PAQR8: variants seen among roughly 807,000 people sequenced by gnomAD.
The protein encoded by PAQR8 is membrane progestin receptor beta.
In PAQR8, 17 loss-of-function variants were observed where a neutral mutation model predicts 25.2. The observed-to-expected ratio is 0.67, with a 90% CI of 0.46 to 1.01. The LOEUF (loss-of-function observed/expected upper bound fraction) is 1.01, where lower values mean the gene tolerates loss of function less well. PAQR8 is among the 50% of genes least tolerant of loss of function. The pLI is 0.00. For missense variants in PAQR8, 392 were observed against 448.4 expected, an observed-to-expected ratio of 0.87 and a Z score of 1.14; for synonymous variants, 204 against 190.6, an observed-to-expected ratio of 1.07 and a Z score of -0.58.
At chr6:52,374,000 A>G (rs1234424975) in intron 1 of PAQR8, among the ~76,000 whole-genome samples, 1 of 152,000 alleles carries the variant, frequency 6.6e-6, no homozygotes, top group Admixed American at 6.6e-5. Context: ...GATGGTTCTC[A>G]TGAGATCTGG....
In PAQR8 at chr6:52,372,672, T is replaced by C. The variant is rs551348466; in HGVS notation, c.-53+10423T>C. 5.9e-5 allele frequency among the ~76,000 whole-genome samples: 9 copies of C among 151,862 alleles called. No individual in the cohort carries two copies. The South Asian group carries it at 1.9e-3, about 32-fold the overall frequency. On this transcript the variant is annotated intron_variant, in intron 1 of 1. Transcript: ENST00000442253. The stretch of plus-strand genomic sequence containing the variant: ...AAACAGGCAGAGGTAGACAATATGG[T>C]ATAATAAATCCCCATGTGCCCATCA...
rs547522232 is a variant in PAQR8 at position 52,364,108 on chromosome 6, G to T, written c.-53+1859G>T. On this transcript the variant is annotated intron_variant, in intron 1 of 1. Coordinates refer to ENST00000442253, the MANE Select transcript of PAQR8 (RefSeq NM_133367.5). ...GTTTTTTTTTTTTTTTTTTTTGCGG[G>T]TGTGTGTATGCACCAGATTTCCTTC... is the stretch of plus-strand genomic sequence containing the variant. Among the ~76,000 whole-genome samples, 5 of 40,448 alleles carry T rather than the reference G, an allele frequency of 1.2e-4. No individual in the cohort carries two copies. In the East Asian group the frequency reaches 1.9e-3, roughly 15 times the overall value. 26.5% of individuals were successfully genotyped at this position (40,448 alleles called of 152,430 possible). A position where few individuals can be genotyped will look rare whatever the true frequency, so the allele number is the denominator to read the frequency against.
At position 52,403,178 on chromosome 6, in the gene PAQR8, T is replaced by G; in HGVS notation, c.-36T>G. On this transcript the variant is annotated 5_prime_UTR_variant, in exon 2 of 2. Transcript: ENST00000442253. The stretch of plus-strand genomic sequence containing the variant: ...TTTCTGCAGGTTGCATACCCTGTCC[T>G]GAGGGCGCGGCACGGAGTGCATGCG... The G allele has an allele frequency of 6.4e-7, 1 of 1,561,680 alleles. No homozygotes were observed. The highest frequency in any genetic ancestry group is 8.7e-7 in the Non-Finnish European group (1 of 1,149,674).
intron 1 of PAQR8, among the ~76,000 whole-genome samples, chr6:52,402,236 T>G (rs981176789): frequency 1.6e-4 from 24 of 152,172 alleles, no homozygotes; most frequent in African/African-American, 5.5e-4. Flanking sequence ...TGGTGGTGCA[T>G]GCCTGTAATA....
At chr6:52,374,064 A>T (rs1406955430) in intron 1 of PAQR8, among the ~76,000 whole-genome samples, 1 of 152,128 alleles carries the variant, frequency 6.6e-6, no homozygotes, top group African/African-American at 2.4e-5. Context: ...CTGTTCCAGC[A>T]TTGTGAAGTA....
intron 1 of PAQR8, among the ~76,000 whole-genome samples, chr6:52,364,681 G>A (rs1376837826): frequency 2.0e-5 from 3 of 152,180 alleles, no homozygotes; most frequent in Non-Finnish European, 2.9e-5. Flanking sequence ...GGCACTGTGC[G>A]GGGCCAACTT....
rs1425084373 is a variant in PAQR8, at chr6:52,362,723, C to CGGAGGGGAACGGAACCTG, written c.-53+483_-53+500dup. On this transcript the variant is annotated intron_variant, in intron 1 of 1. Coordinates refer to ENST00000442253, the MANE Select transcript of PAQR8 (RefSeq NM_133367.5). The surrounding 1 kb of genome is among the most constrained non-coding windows in gnomAD (Gnocchi z 4.1). ...CATTTGTGGGGCGCCCTCCGCAGGG[C>CGGAGGGGAACGGAACCTG]GGAGGGGAACGGAACCTGGGAGGGG... Among the ~76,000 whole-genome samples the CGGAGGGGAACGGAACCTG allele has an allele frequency of 1.3e-5, 2 of 151,974 alleles. No homozygotes were observed.
Position 52,406,356 on chromosome 6 carries a change from G to T in PAQR8, c.*2078G>T. The T allele has an allele frequency of 2.4e-6, 1 of 411,560 alleles. No individual in the cohort carries two copies. The highest frequency in any genetic ancestry group is 4.4e-6 in the Non-Finnish European group (1 of 225,278). The allele number at this position is 411,560 out of a possible 1,614,324, so 25.5% of individuals were successfully genotyped here. On this transcript the variant is annotated 3_prime_UTR_variant, in exon 2 of 2. Coordinates refer to ENST00000442253, the MANE Select transcript of PAQR8 (RefSeq NM_133367.5). ...GCTCTTGAATATAACTGGTGGTATT[G>T]TGGGCAGAGATCTTTAGTTCAAATC...
intron 1 of PAQR8, among the ~76,000 whole-genome samples, chr6:52,370,351 T>G (rs958646910): frequency 6.6e-6 from 1 of 152,190 alleles, no homozygotes; most frequent in East Asian, 1.9e-4. Flanking sequence ...ATAGGATATT[T>G]GTCAGTTCAT....
chr6:52,392,287 TG>T (rs1190482613), intron 1 of PAQR8, among the ~76,000 whole-genome samples: 7 of 149,846 alleles, frequency 4.7e-5, no homozygotes, highest in Non-Finnish European at 8.9e-5. Context: ...GAGGTTACAA[TG>T]AGGCAAGATC....
At chr6:52,398,357 C>T (rs568822922) in intron 1 of PAQR8, among the ~76,000 whole-genome samples, 1 of 151,734 alleles carries the variant, frequency 6.6e-6, no homozygotes. Context: ...CAGGAGCCTG[C>T]TAACACACCC....
intron 1 of PAQR8, among the ~76,000 whole-genome samples, chr6:52,396,876 T>C (rs990776555): frequency 6.6e-6 from 1 of 152,066 alleles, no homozygotes; most frequent in Non-Finnish European, 1.5e-5. Flanking sequence ...TCTAGAGAAG[T>C]TGGATATTTT....
At chr6:52,401,403 A>G (rs576241111) in intron 1 of PAQR8, among the ~76,000 whole-genome samples, 3 of 152,322 alleles carry the variant, frequency 2.0e-5, no homozygotes, top group South Asian at 4.1e-4. Context: ...ATCAAAATCT[A>G]TTTCTTTACC....
At chr6:52,380,355 C>A (rs1027461992) in intron 1 of PAQR8, among the ~76,000 whole-genome samples, 1 of 152,186 alleles carries the variant, frequency 6.6e-6, no homozygotes, top group African/African-American at 2.4e-5. Context: ...CTGTGTATAT[C>A]TTTTAAAGTA....
In PAQR8 at chr6:52,388,761, C is replaced by T. The variant is rs144852573; in HGVS notation, c.-52-14401C>T. Among the ~76,000 whole-genome samples, 164 of 152,262 alleles carry T rather than the reference C, an allele frequency of 1.1e-3. 1 individual carries two copies. Among genetic ancestry groups the T allele is most frequent in the African/African-American group, 3.7e-3 (155 of 41,550 alleles). On this transcript the variant is annotated intron_variant, in intron 1 of 1. Coordinates refer to ENST00000442253, the MANE Select transcript of PAQR8 (RefSeq NM_133367.5). ...TAGTCTTTGATATTTCCTTACAGCA[C>T]CCTGAATGGACAAAGACAGAGGGCT...
intron 1 of PAQR8, among the ~76,000 whole-genome samples, chr6:52,378,435 G>A (rs756105906): frequency 5.3e-5 from 8 of 152,302 alleles, no homozygotes; most frequent in Middle Eastern, 6.8e-3. Context: ...GTTATCAAGT[G>A]GGCATCAAAT....
intron 1 of PAQR8, among the ~76,000 whole-genome samples, chr6:52,375,232 G>T (rs1441166827): frequency 6.6e-6 from 1 of 151,892 alleles, no homozygotes; most frequent in Non-Finnish European, 1.5e-5. Flanking sequence ...ATAACACCTT[G>T]CCCTCTAAAC....
Position 52,398,835 on chromosome 6 carries a change from G to A in PAQR8, c.-52-4327G>A, listed in dbSNP as rs535929443. Among the ~76,000 whole-genome samples the A allele has an allele frequency of 3.6e-4, 55 of 152,296 alleles. No homozygotes were observed. In the South Asian group the frequency reaches 9.5e-3, roughly 26 times the overall value. On this transcript the variant is annotated intron_variant, in intron 1 of 1. Transcript: ENST00000442253. ...TCCCAAAGTGCTGGGATTTACAGGC[G>A]TGAGCCACTGTCCCTGGCTGGGAAA...
intron 1 of PAQR8, among the ~76,000 whole-genome samples, chr6:52,371,980 G>T (rs75614796): frequency 0.14 from 20,685 of 152,216 alleles, 1,716 homozygotes; most frequent in Non-Finnish European, 0.19. Flanking sequence ...CATTACTCCA[G>T]GGTGGAGTTC....
Sources: allele counts gnomAD v4.1 joint callset (sites outside exome capture counted in the v4.1 genomes callset), GRCh38; gene constraint gnomAD v4.1.1; non-coding constraint Gnocchi (gnomAD v3.1); transcripts MANE v1.5; gene names NCBI Gene and HGNC (gene_info 2026-07-23, HGNC 2026-07-21).